BAHCC1: variants seen among roughly 807,000 people sequenced by gnomAD.
BAHCC1 encodes the protein BAH and coiled-coil domain-containing protein 1.
A neutral mutation model predicts 88.2 loss-of-function variants in BAHCC1; 43 were observed. The observed-to-expected ratio is 0.49, with a 90% confidence interval of 0.38 to 0.63. The LOEUF is 0.63. BAHCC1 is among the 20% of genes least tolerant of loss of function. The pLI is 0.00. For synonymous variants in BAHCC1, 1,510 were observed against 745.5 expected (o/e 2.03, Z -16.71); for missense variants, 3,023 against 1,654.8 (o/e 1.83, Z -14.34).
rs782218317 is a variant in BAHCC1, at chr17:81,451,757, A to G, written c.4066A>G (p.Ser1356Gly). The G allele has an allele frequency of 2.6e-6, 2 of 772,716 alleles. No individual in the cohort carries two copies. Among genetic ancestry groups the G allele is most frequent in the Admixed American group, 3.4e-5 (2 of 58,766 alleles). 47.9% of individuals were successfully genotyped at this position (772,716 alleles called of 1,614,324 possible). ...WSLVEAAGLDSSTAPAQPPTA... is the reference protein window; with the variant it reads ...WSLVEAAGLDGSTAPAQPPTA... The stretch of plus-strand genomic sequence containing the variant: ...CCTGGTGGAGGCCGCTGGCCTGGAC[A>G]GCTCCACTGCCCCAGCGCAGCCGCC... The change falls in exon 12 of 28, where the codon AGC (serine) becomes GGC (glycine). Residue 1356 changes from serine to glycine, a missense_variant. Coordinates refer to ENST00000675386, the MANE Select transcript of BAHCC1 (RefSeq NM_001377448.1).
chr17:81,401,777 T>TC (rs2063820012), intron 2 of BAHCC1: 1 of 152,438 alleles, frequency 6.6e-6, no homozygotes, highest in South Asian at 2.1e-4. Context: ...AGGCTGGGGC[T>TC]GTCCCCTCCG....
At chr17:81,450,006 G>A (rs565026579) in intron 11 of BAHCC1, among the ~76,000 whole-genome samples, 5 of 152,144 alleles carry the variant, frequency 3.3e-5, no homozygotes, top group Non-Finnish European at 7.4e-5. Context: ...TTGTCCCATC[G>A]TGGATGGGGT....
intron 18 of BAHCC1, 65 bp downstream of exon 18, chr17:81,458,531 C>CT: frequency 1.5e-6 from 1 of 658,066 alleles, no homozygotes; most frequent in Admixed American, 2.2e-5. Flanking sequence ...GCCTTCCCCG[C>CT]CCTCCCCCGC....
intron 13 of BAHCC1, 29 bp downstream of exon 13, chr17:81,452,136 G>A: frequency 4.1e-6 from 1 of 241,622 alleles, no homozygotes; most frequent in African/African-American, 4.7e-5. Flanking sequence ...GGGGGCCTGG[G>A]AGGGTCGCAG....
At chr17:81,426,709 C>T (rs2064204180) in intron 2 of BAHCC1, 91 bp from the exon 3 acceptor site, 1 of 398,352 alleles carries the variant, frequency 2.5e-6, no homozygotes, top group Admixed American at 4.4e-5. Flanking sequence ...TGAGAGTCCC[C>T]TGTGGAGAAG....
Position 81,460,265 on chromosome 17 carries a change from T to C in BAHCC1, c.5906-12T>C. 2 of 756,290 alleles carry C rather than the reference T, an allele frequency of 2.6e-6. No individual in the cohort carries two copies. The highest frequency in any genetic ancestry group is 4.9e-6 in the Non-Finnish European group (2 of 406,884). 46.8% of individuals were successfully genotyped at this position (756,290 alleles called of 1,614,324 possible). A position where few individuals can be genotyped will look rare whatever the true frequency, so the allele number is the denominator to read the frequency against. On this transcript the variant is annotated splice_polypyrimidine_tract_variant and intron_variant, in intron 23 of 27. Coordinates refer to ENST00000675386, the MANE Select transcript of BAHCC1 (RefSeq NM_001377448.1). ...GGGGTTCCAGCTGCAAGCTCAGGTG[T>C]GCCGTCCACAGGGGCCTCCGGTGAC...
chr17:81,448,154 C>T (rs1555655081), intron 11 of BAHCC1, among the ~76,000 whole-genome samples: 2 of 152,168 alleles, frequency 1.3e-5, no homozygotes, highest in South Asian at 2.1e-4. Flanking sequence ...AACAGGGGCT[C>T]GCGTCCTGGC....
Position 81,453,340 on chromosome 17 carries a change from T to G in BAHCC1, c.4445+489T>G, listed in dbSNP as rs371670883. On this transcript the variant is annotated intron_variant, in intron 14 of 27. Coordinates refer to ENST00000675386, the MANE Select transcript of BAHCC1 (RefSeq NM_001377448.1). ...ATAATTGTCCTTCTCGGCTACAAAT[T>G]GCCTCTCCCGGCAGGCCCATTTGCA... is the stretch of plus-strand genomic sequence containing the variant. Among the ~76,000 whole-genome samples the G allele has an allele frequency of 4.6e-5, 7 of 152,362 alleles. No individual in the cohort carries two copies. In the South Asian group the frequency reaches 1.0e-3, roughly 23 times the overall value.
At chr17:81,410,294 C>T (rs2063933915) in intron 2 of BAHCC1, among the ~76,000 whole-genome samples, 1 of 152,182 alleles carries the variant, frequency 6.6e-6, no homozygotes, top group South Asian at 2.1e-4. Flanking sequence ...CCCCCCTGGG[C>T]AGCAGGCAGC....
chr17:81,432,518 GCCTCGGACCCA>G (rs2064272141), intron 3 of BAHCC1, among the ~76,000 whole-genome samples: 1 of 101,104 alleles, frequency 9.9e-6, no homozygotes, highest in African/African-American at 4.6e-5. Flanking sequence ...GGCGGCCCCA[GCCTCGGACCCA>G]CCCTCCCACC....
At chr17:81,430,168 G>A (rs1266800657) in intron 3 of BAHCC1, among the ~76,000 whole-genome samples, 1 of 152,114 alleles carries the variant, frequency 6.6e-6, no homozygotes, top group African/African-American at 2.4e-5. Context: ...AGGGGTGGGG[G>A]CACACACAGC....
At chr17:81,426,471 G>T (rs1293184834) in intron 2 of BAHCC1, among the ~76,000 whole-genome samples, 2 of 150,502 alleles carry the variant, frequency 1.3e-5, no homozygotes, top group African/African-American at 2.5e-5. Context: ...GTGGTTGGGG[G>T]TGATAGTGGT....
At position 81,426,878 on chromosome 17, in the gene BAHCC1, C is replaced by A. The variant is rs887021674; in HGVS notation, c.257C>A (p.Ala86Asp). 3.0e-5 allele frequency: 12 copies of A among 399,342 alleles called. No homozygotes were observed. The highest frequency in any genetic ancestry group is 8.8e-5 in the Admixed American group (2 of 22,742). 24.7% of individuals were successfully genotyped at this position (399,342 alleles called of 1,614,324 possible). Residue 86 changes from alanine to aspartate, a missense_variant, in exon 3 of 28, where the codon GCC becomes GAC. Coordinates refer to ENST00000675386, the MANE Select transcript of BAHCC1 (RefSeq NM_001377448.1). ...SFLTSSLGSA[A>D]STHPSGPSSS... ...CTCACCAGCAGCCTGGGCTCGGCAG[C>A]CTCCACGCACCCCAGCGGCCCCAGC...
At chr17:81,441,554 C>T (rs922591420) in intron 4 of BAHCC1, among the ~76,000 whole-genome samples, 6 of 149,866 alleles carry the variant, frequency 4.0e-5, no homozygotes, top group South Asian at 2.1e-4. Context: ...CCCAGCTACT[C>T]GGGAGGCTGA....
chr17:81,422,451 C>T (rs1421874521), intron 2 of BAHCC1, among the ~76,000 whole-genome samples: 4 of 152,258 alleles, frequency 2.6e-5, no homozygotes, highest in Non-Finnish European at 5.9e-5. Context: ...AGATCAGCAG[C>T]CCTGCCTGAC....
rs1413475638 is a variant in BAHCC1 at position 81,464,772 on chromosome 17, C to T, written c.*955C>T. On this transcript the variant is annotated 3_prime_UTR_variant, in exon 28 of 28. Transcript: ENST00000675386. ...TTTCCGGGGCCAGTTGGTCTGAGGC[C>T]AAGGAGTCTGGCCTCCACCCAGAGC... is the stretch of plus-strand genomic sequence containing the variant. The T allele has an allele frequency of 6.6e-6, 1 of 152,466 alleles. No individual in the cohort carries two copies. Among genetic ancestry groups the T allele is most frequent in the Non-Finnish European group, 1.5e-5 (1 of 68,034 alleles). The allele number at this position is 152,466 out of a possible 1,614,324, so 9.4% of individuals were successfully genotyped here.
intron 4 of BAHCC1, among the ~76,000 whole-genome samples, chr17:81,441,179 G>A (rs901332432): frequency 1.3e-5 from 2 of 152,218 alleles, no homozygotes; most frequent in African/African-American, 4.8e-5. Context: ...GAGGTGTGGG[G>A]AGCTGAACAT....
chr17:81,438,524 A>G (rs1555652081), intron 4 of BAHCC1, 32 bp downstream of exon 4: 1 of 750,386 alleles, frequency 1.3e-6, no homozygotes, highest in Non-Finnish European at 2.5e-6. Flanking sequence ...CGTGGGGAGC[A>G]GGCATGCTGG....
Position 81,463,530 on chromosome 17 carries a change from G to GTGGGCGGGTGGTCTTTCCTGGC in BAHCC1, c.7621-75_7621-54dup, listed in dbSNP as rs1452483414. ...ATCCGGTGACCCTTACAGAGCATGG[G>GTGGGCGGGTGGTCTTTCCTGGC]TGGGCGGGTGGTCTTTCCTGGCTGG... On this transcript the variant is annotated intron_variant, in intron 27 of 27. Coordinates refer to ENST00000675386, the MANE Select transcript of BAHCC1 (RefSeq NM_001377448.1). 97 of 753,280 alleles carry GTGGGCGGGTGGTCTTTCCTGGC rather than the reference G, an allele frequency of 1.3e-4. 1 individual carries two copies. In the East Asian group the frequency reaches 2.4e-3, roughly 19 times the overall value. The allele number at this position is 753,280 out of a possible 1,614,324, so 46.7% of individuals were successfully genotyped here.
Sources: allele counts gnomAD v4.1 joint callset (sites outside exome capture counted in the v4.1 genomes callset), GRCh38; gene constraint gnomAD v4.1.1; transcripts MANE v1.5; gene names NCBI Gene and HGNC (gene_info 2026-07-23, HGNC 2026-07-21).